The following PRKG1 variants were observed in gnomAD, a reference collection of about 807,000 sequenced individuals.
PRKG1 encodes cGMP-dependent protein kinase 1.
A neutral mutation model predicts 88.1 loss-of-function variants in PRKG1; 35 were observed. The ratio of observed to expected loss-of-function variants is 0.40; its 90% CI spans 0.30 to 0.53. PRKG1 has a LOEUF of 0.53. Ranked by LOEUF, PRKG1 falls within the 20% of genes least tolerant of loss-of-function variation. The pLI, the probability that PRKG1 is intolerant of heterozygous loss-of-function variation, is 0.59. For missense variants in PRKG1, 540 were observed against 839.8 expected, an observed-to-expected ratio of 0.64 and a Z score of 4.41; for synonymous variants, 303 against 292.5, an observed-to-expected ratio of 1.04 and a Z score of -0.37.
At chr10:52,131,397 C>G (rs1837253739) in intron 7 of PRKG1, among the ~76,000 whole-genome samples, 1 of 152,040 alleles carries the variant, frequency 6.6e-6, no homozygotes, top group African/African-American at 2.4e-5. Context: ...GAAACCCAAC[C>G]TGGTCAATTC....
chr10:51,218,514 TATATATATATATATATAA>T lies in PRKG1; in HGVS notation c.478+65186_478+65203del, dbSNP rs1236293475. ...TCATATATATATATATATATATATA[TATATATATATATATATAA>T]AATGTGTGTATTTGGCATTTATATA... On this transcript the variant is annotated intron_variant, in intron 2 of 17. Coordinates refer to ENST00000373980, the MANE Select transcript of PRKG1 (RefSeq NM_006258.4). Among the ~76,000 whole-genome samples the T allele has an allele frequency of 4.1e-4, 50 of 123,058 alleles. 1 individual carries two copies. The highest frequency in any genetic ancestry group is 1.4e-3 in the African/African-American group (41 of 29,936). The allele number at this position is 123,058 out of a possible 152,430, so 80.7% of individuals were successfully genotyped here.
At chr10:51,372,957 T>A (rs189362637) in intron 2 of PRKG1, among the ~76,000 whole-genome samples, 82 of 152,282 alleles carry the variant, frequency 5.4e-4, no homozygotes, top group African/African-American at 1.9e-3. Flanking sequence ...TTTTTTAACT[T>A]ATGTTCGTGA....
intron 1 of PRKG1, among the ~76,000 whole-genome samples, chr10:51,089,292 A>T (rs530661999): frequency 6.6e-6 from 1 of 152,298 alleles, no homozygotes; most frequent in Non-Finnish European, 1.5e-5. Flanking sequence ...CAAGCATGGG[A>T]TTAGTGGAAA....
chr10:51,719,913 G>A (rs554581578), intron 3 of PRKG1, among the ~76,000 whole-genome samples: 1 of 152,308 alleles, frequency 6.6e-6, no homozygotes, highest in East Asian at 1.9e-4. Context: ...CCCAGTAGGA[G>A]CTAGGTCTAC....
At chr10:52,154,020 C>T (rs1188884796) in intron 8 of PRKG1, among the ~76,000 whole-genome samples, 3 of 152,136 alleles carry the variant, frequency 2.0e-5, no homozygotes, top group Non-Finnish European at 4.4e-5. Context: ...GCTGGGATTG[C>T]AGGCGTGAGC....
At position 51,945,676 on chromosome 10, in the gene PRKG1, G is replaced by T. The variant is rs542100721; in HGVS notation, c.762+38106G>T. On this transcript the variant is annotated intron_variant, in intron 5 of 17. Coordinates refer to ENST00000373980, the MANE Select transcript of PRKG1 (RefSeq NM_006258.4). ...GTGGTGACAAAATCTCTCAGCATTT[G>T]CTTGTCTGTAAAGGATTTTATTTCT... is the stretch of plus-strand genomic sequence containing the variant. Among the ~76,000 whole-genome samples the T allele has an allele frequency of 2.7e-3, 411 of 150,496 alleles. 4 individuals carry two copies. The highest frequency in any genetic ancestry group is 9.3e-3 in the African/African-American group (379 of 40,934).
intron 9 of PRKG1, among the ~76,000 whole-genome samples, chr10:52,242,997 T>C (rs536210786): frequency 1.3e-5 from 2 of 152,194 alleles, no homozygotes; most frequent in Non-Finnish European, 2.9e-5. Context: ...AGATTAATTA[T>C]TTAAAATGAA....
At chr10:51,032,372 C>T (rs772049780) in intron 1 of PRKG1, among the ~76,000 whole-genome samples, 3 of 151,154 alleles carry the variant, frequency 2.0e-5, no homozygotes, top group African/African-American at 4.9e-5. Context: ...TTTTTTTTGC[C>T]CTTGTCGATT....
chr10:51,654,809 G>A (rs1483073472), intron 3 of PRKG1, among the ~76,000 whole-genome samples: 1 of 151,814 alleles, frequency 6.6e-6, no homozygotes, highest in Non-Finnish European at 1.5e-5. Flanking sequence ...AATTATTTCG[G>A]TTTCTCATCT....
chr10:51,196,074 G>T (rs929652658), intron 2 of PRKG1, among the ~76,000 whole-genome samples: 3 of 152,184 alleles, frequency 2.0e-5, no homozygotes, highest in African/African-American at 7.2e-5. Flanking sequence ...GAGGATCCTT[G>T]CTATAATTAT....
chr10:52,035,303 T>C (rs12774634), intron 5 of PRKG1, among the ~76,000 whole-genome samples: 52,096 of 151,752 alleles, frequency 0.34, 9,442 homozygotes, highest in Non-Finnish European at 0.4. Flanking sequence ...GGCAAATCCT[T>C]GAGCTTGGTG....
intron 1 of PRKG1, among the ~76,000 whole-genome samples, chr10:51,028,041 A>G (rs1394175888): frequency 6.6e-6 from 1 of 152,178 alleles, no homozygotes; most frequent in African/African-American, 2.4e-5. Context: ...TCAAAGTGAA[A>G]GATCTTTTTT....
At chr10:52,202,767 T>C (rs1400361815) in intron 9 of PRKG1, among the ~76,000 whole-genome samples, 1 of 152,160 alleles carries the variant, frequency 6.6e-6, no homozygotes, top group Non-Finnish European at 1.5e-5. Context: ...AAGTGGTAAG[T>C]TTCCAAGAGT....
At chr10:52,166,768 T>C (rs567306045) in intron 9 of PRKG1, among the ~76,000 whole-genome samples, 74 of 139,738 alleles carry the variant, frequency 5.3e-4, no homozygotes, top group Admixed American at 1.4e-3. Context: ...AAAACAGCTA[T>C]TTCTTCAAAT....
At chr10:51,059,002 C>A (rs1843665783) in intron 1 of PRKG1, among the ~76,000 whole-genome samples, 1 of 152,108 alleles carries the variant, frequency 6.6e-6, no homozygotes, top group Non-Finnish European at 1.5e-5. Context: ...ATCTATTGAA[C>A]CATTTGTTTA....
intron 3 of PRKG1, among the ~76,000 whole-genome samples, chr10:51,782,250 C>T (rs1415435393): frequency 2.0e-5 from 3 of 152,018 alleles, no homozygotes; most frequent in Non-Finnish European, 2.9e-5. Flanking sequence ...TTTATCAGGG[C>T]GTTAAATGCG....
chr10:51,732,641 T>G (rs542269359), intron 3 of PRKG1, among the ~76,000 whole-genome samples: 14 of 152,330 alleles, frequency 9.2e-5, no homozygotes, highest in African/African-American at 3.4e-4. Flanking sequence ...AACTAGAAAT[T>G]ATTAAGGATC....
chr10:51,015,269 C>G lies in PRKG1; in HGVS notation c.266+23625C>G, dbSNP rs577831170. On this transcript the variant is annotated intron_variant, in intron 1 of 17. Transcript: ENST00000401604. ...TTGAACGAATTCCAAGTTACAATTA[C>G]TAAACATTATTGCCCACTATATCTC... Among the ~76,000 whole-genome samples the G allele has an allele frequency of 2.6e-5, 4 of 152,324 alleles. No homozygotes were observed. The East Asian group carries it at 7.7e-4, about 29-fold the overall frequency.
At chr10:52,183,499 C>T (rs765159616) in intron 9 of PRKG1, among the ~76,000 whole-genome samples, 1 of 152,198 alleles carries the variant, frequency 6.6e-6, no homozygotes, top group Admixed American at 6.5e-5. Context: ...ACTGTTCCTC[C>T]AGCTAGAAGT....
Sources: gnomAD v4.1 joint callset for allele counts (sites outside exome capture counted in the v4.1 genomes callset) on GRCh38, gnomAD v4.1.1 for gene constraint, MANE v1.5 for transcripts, NCBI Gene and HGNC (gene_info 2026-07-23, HGNC 2026-07-21) for gene names.